Variants in KNTC1 observed in about 807,000 individuals in gnomAD.
KNTC1 encodes kinetochore associated 1, also known as kinetochore-associated protein 1.
Under a neutral mutation model 314.4 loss-of-function variants are expected in KNTC1, and 253 were observed. The observed-to-expected ratio is 0.80, with a 90% confidence interval of 0.73 to 0.89. The LOEUF is 0.89. Ranked by LOEUF, KNTC1 falls within the 40% of genes least tolerant of loss-of-function variation. The pLI, the probability that KNTC1 is intolerant of heterozygous loss-of-function variation, is 0.00. For synonymous variants in KNTC1, 901 were observed against 901.4 expected, an observed-to-expected ratio of 1.00 and a Z score of 0.01; for missense variants, 2,475 against 2,572.9, an observed-to-expected ratio of 0.96 and a Z score of 0.82.
rs754419129 is a variant in KNTC1, at chr12:122,538,343, T to C, written c.255T>C (p.Thr85=). 5.1e-6 allele frequency: 8 copies of C among 1,569,648 alleles called. No homozygotes were observed. In the South Asian group the frequency reaches 7.0e-5, roughly 14 times the overall value. Residue 85 remains threonine (T), a synonymous_variant, in exon 4 of 64, where the codon ACT becomes ACC. Transcript: ENST00000333479. ...ACTTTGATTTGAAATTTTCAGATACTGAAGTGGATGTAGTTGGCCTTTGTC... is the reference window on the plus strand; with the variant it reads ...ACTTTGATTTGAAATTTTCAGATACCGAAGTGGATGTAGTTGGCCTTTGTC... ...RSLQLHLVFD[T]EVDVVGLCQE...
At chr12:122,547,790 A>G in intron 11 of KNTC1, 125 bp from the exon 12 acceptor site, 1 of 615,216 alleles carries the variant, frequency 1.6e-6, no homozygotes, top group Non-Finnish European at 2.8e-6. Flanking sequence ...TTTTTATGGA[A>G]GAGTGTTACT....
chr12:122,588,743 G>A lies in KNTC1; in HGVS notation c.3926G>A (p.Arg1309Lys), dbSNP rs1869725526. The stretch of plus-strand genomic sequence containing the variant: ...GGAGAGACTACATTAGTTAAATCAA[G>A]GCATGTTGTTATGGAATTGAAAGAA... ...LFGETTLVKSRHVVMELKEKA... is the reference protein window; with the variant it reads ...LFGETTLVKSKHVVMELKEKA... The change falls in exon 40 of 64, where the codon AGG becomes AAG. Residue 1309 changes from arginine (R) to lysine (K), a missense_variant. Coordinates refer to ENST00000333479, the MANE Select transcript of KNTC1 (RefSeq NM_014708.6). 5 of 1,555,430 alleles carry A rather than the reference G, an allele frequency of 3.2e-6. No homozygotes were observed. Among genetic ancestry groups the A allele is most frequent in the Non-Finnish European group, 4.3e-6 (5 of 1,149,582 alleles).
chr12:122,538,282 TG>T, intron 3 of KNTC1, 56 bp from the exon 4 acceptor site: 1 of 989,004 alleles, frequency 1.0e-6, no homozygotes. Flanking sequence ...GTATTTTTTT[TG>T]TATTGAAAAT....
chr12:122,601,347 A>G (rs970214804), intron 44 of KNTC1, among the ~76,000 whole-genome samples, 189 bp from the exon 45 acceptor site: 3 of 152,136 alleles, frequency 2.0e-5, no homozygotes, highest in Non-Finnish European at 4.4e-5. Context: ...GGCCTCCCAA[A>G]GTGCTAGGAT....
intron 34 of KNTC1, 81 bp downstream of exon 34, chr12:122,583,066 A>G (rs951344056): frequency 2.5e-5 from 33 of 1,316,992 alleles, no homozygotes; most frequent in Non-Finnish European, 3.3e-5. Context: ...AATCCCAGCA[A>G]TTTAGGAGGC....
intron 20 of KNTC1, among the ~76,000 whole-genome samples, chr12:122,563,160 A>G (rs1178831162): frequency 6.6e-6 from 1 of 152,116 alleles, no homozygotes; most frequent in Non-Finnish European, 1.5e-5. Flanking sequence ...AAACGGGCTG[A>G]ACATCCTTGT....
rs1963182258 is a variant in KNTC1 at position 122,551,320 on chromosome 12, A to G, written c.1088A>G (p.Asp363Gly). 1 of 1,558,990 alleles carries G rather than the reference A, an allele frequency of 6.4e-7. No homozygotes were observed. Among genetic ancestry groups the G allele is most frequent in the Non-Finnish European group, 8.8e-7 (1 of 1,137,244 alleles). ...AATCATGTTTTTTTGTTATTGTAGG[A>G]TACCATATACCTTTTAGAAGGAGTT... ...SSLVQTGIST[D>G]TIYLLEGVCK... Residue 363 changes from aspartate to glycine, a missense_variant and splice_region_variant, in exon 14 of 64, where the codon GAT becomes GGT. Transcript: ENST00000333479.
chr12:122,620,691 A>G, intron 60 of KNTC1, 83 bp downstream of exon 60: 1 of 1,421,028 alleles, frequency 7.0e-7, no homozygotes, highest in Non-Finnish European at 9.6e-7. Context: ...TCGCATTTTC[A>G]TTTCAGCAAA....
chr12:122,610,972 A>G (rs2138150713), intron 53 of KNTC1, 72 bp downstream of exon 53: 2 of 1,074,294 alleles, frequency 1.9e-6, no homozygotes, highest in South Asian at 2.6e-5. Context: ...TTTATTTACC[A>G]TGCTTGATTG....
At chr12:122,623,344 C>A (rs1160832087) in intron 62 of KNTC1, among the ~76,000 whole-genome samples, 1 of 152,162 alleles carries the variant, frequency 6.6e-6, no homozygotes, top group Non-Finnish European at 1.5e-5. Context: ...AAGAAGTGGG[C>A]TGACACTAAA....
chr12:122,622,897 G>A lies in KNTC1; in HGVS notation c.6515+290G>A, dbSNP rs538849097. Among the ~76,000 whole-genome samples, 34 of 151,674 alleles carry A rather than the reference G, an allele frequency of 2.2e-4. 1 individual carries two copies. Among genetic ancestry groups the A allele is most frequent in the South Asian group, 4.2e-4 (2 of 4,812 alleles). ...CGGGAGGCAGAGGTTGCAGTGAGCC[G>A]AGATCGCACCATTGCACTCCAGCCT... On this transcript the variant is annotated intron_variant, in intron 62 of 63. Transcript: ENST00000333479.
intron 36 of KNTC1, 51 bp downstream of exon 36, chr12:122,585,041 AC>A: frequency 9.8e-7 from 1 of 1,018,534 alleles, no homozygotes. Flanking sequence ...CGCATTATGC[AC>A]CTTTTTTTTT....
intron 12 of KNTC1, among the ~76,000 whole-genome samples, chr12:122,548,874 A>G (rs1962983600): frequency 6.6e-6 from 1 of 152,066 alleles, no homozygotes; most frequent in Non-Finnish European, 1.5e-5. Context: ...AGGCTGAGAC[A>G]GGAGAATAGC....
chr12:122,555,814 A>T (rs1963547138), intron 16 of KNTC1, among the ~76,000 whole-genome samples: 1 of 152,134 alleles, frequency 6.6e-6, no homozygotes, highest in African/African-American at 2.4e-5. Flanking sequence ...CTGCTACTGC[A>T]CTCCAGCCTG....
At chr12:122,616,348 C>T (rs1032732102) in intron 57 of KNTC1, among the ~76,000 whole-genome samples, 17 of 150,310 alleles carry the variant, frequency 1.1e-4, no homozygotes, top group African/African-American at 3.4e-4. Context: ...TTGCAAGCTC[C>T]GCCTGCTGGG....
intron 53 of KNTC1, 123 bp from the exon 54 acceptor site, chr12:122,612,989 A>C: frequency 1.5e-6 from 1 of 664,394 alleles, no homozygotes; most frequent in East Asian, 2.5e-5. Flanking sequence ...TGCGTTCCGT[A>C]ACTGTAGAGA....
intron 26 of KNTC1, among the ~76,000 whole-genome samples, 184 bp from the exon 27 acceptor site, chr12:122,574,096 CTA>C (rs776212744): frequency 1.1e-4 from 17 of 152,068 alleles, no homozygotes; most frequent in Non-Finnish European, 2.2e-4. Context: ...AAACTAAAGG[CTA>C]ATGTTTTGGC....
chr12:122,541,961 G>A (rs1962373661), intron 5 of KNTC1, 89 bp from the exon 6 acceptor site: 1 of 1,300,224 alleles, frequency 7.7e-7, no homozygotes, highest in Non-Finnish European at 1.0e-6. Context: ...GTTGCAGGGA[G>A]CCGAGATCGC....
At chr12:122,540,330 G>A (rs1462542988) in intron 5 of KNTC1, among the ~76,000 whole-genome samples, 5 of 151,536 alleles carry the variant, frequency 3.3e-5, no homozygotes, top group African/African-American at 4.9e-5. Flanking sequence ...CTGCCACCAC[G>A]CCTGGCTAAT....
Sources: allele counts gnomAD v4.1 joint callset (sites outside exome capture counted in the v4.1 genomes callset), GRCh38; gene constraint gnomAD v4.1.1; transcripts MANE v1.5; gene names NCBI Gene and HGNC (gene_info 2026-07-23, HGNC 2026-07-21).